NKAIN2: variants seen among roughly 807,000 people sequenced by gnomAD.
The protein encoded by NKAIN2 is sodium/potassium-transporting ATPase subunit beta-1-interacting protein 2.
Under a neutral mutation model 32.6 loss-of-function variants are expected in NKAIN2, and 14 were observed. The ratio of observed to expected loss-of-function variants is 0.43; its 90% CI spans 0.28 to 0.67. NKAIN2 has a LOEUF of 0.67. NKAIN2 is among the 30% of genes least tolerant of loss of function. The pLI is 0.17. For synonymous variants in NKAIN2, 80 were observed against 87.2 expected (o/e 0.92, Z 0.46); for missense variants, 198 against 258.3 (o/e 0.77, Z 1.60).
At chr6:123,919,296 T>C (rs1775637411) in intron 1 of NKAIN2, among the ~76,000 whole-genome samples, 1 of 152,084 alleles carries the variant, frequency 6.6e-6, no homozygotes, top group East Asian at 1.9e-4. Flanking sequence ...TACGTAAGAT[T>C]TGAGAAAAGT....
intron 3 of NKAIN2, among the ~76,000 whole-genome samples, chr6:124,378,214 A>G (rs1800075518): frequency 6.6e-6 from 1 of 152,132 alleles, no homozygotes; most frequent in African/African-American, 2.4e-5. Context: ...GAGTCTGGTG[A>G]CAGAACACTC....
chr6:124,610,399 G>A (rs1487125525), intron 3 of NKAIN2, among the ~76,000 whole-genome samples: 1 of 152,020 alleles, frequency 6.6e-6, no homozygotes, highest in Non-Finnish European at 1.5e-5. Flanking sequence ...ACTTGTATCT[G>A]GATTAAATAT....
At chr6:123,954,187 T>G (rs2114592860) in intron 1 of NKAIN2, among the ~76,000 whole-genome samples, 1 of 152,282 alleles carries the variant, frequency 6.6e-6, no homozygotes, top group Admixed American at 6.5e-5. Flanking sequence ...CTGGGCAGGA[T>G]GTAGTCTGGT....
chr6:124,152,486 C>T (rs2114400121), intron 1 of NKAIN2, among the ~76,000 whole-genome samples: 1 of 151,872 alleles, frequency 6.6e-6, no homozygotes, highest in South Asian at 2.1e-4. Context: ...GTTAGAATAA[C>T]TACTATCAAA....
intron 3 of NKAIN2, among the ~76,000 whole-genome samples, chr6:124,408,920 G>A (rs1774006751): frequency 6.6e-6 from 1 of 152,160 alleles, no homozygotes; most frequent in Non-Finnish European, 1.5e-5. Flanking sequence ...CACATCCCTT[G>A]TAAGTTGGAT....
At chr6:124,616,675 A>G (rs930433942) in intron 3 of NKAIN2, among the ~76,000 whole-genome samples, 4 of 151,476 alleles carry the variant, frequency 2.6e-5, no homozygotes, top group African/African-American at 9.7e-5. Context: ...CCTGTTAGCC[A>G]GGATGGTCTT....
chr6:124,557,358 C>T (rs1303520333), intron 3 of NKAIN2, among the ~76,000 whole-genome samples: 1 of 152,062 alleles, frequency 6.6e-6, no homozygotes, highest in Non-Finnish European at 1.5e-5. Context: ...AAAAAAAACT[C>T]TTTGAGTTAC....
At chr6:124,623,126 T>G (rs1343786240) in intron 3 of NKAIN2, among the ~76,000 whole-genome samples, 1 of 152,136 alleles carries the variant, frequency 6.6e-6, no homozygotes, top group African/African-American at 2.4e-5. Context: ...TTTTTCTAAG[T>G]AAAATCACAT....
At chr6:124,452,539 T>C (rs1338878261) in intron 3 of NKAIN2, among the ~76,000 whole-genome samples, 2 of 152,144 alleles carry the variant, frequency 1.3e-5, no homozygotes, top group Non-Finnish European at 2.9e-5. Context: ...ATATGTAACC[T>C]TTTTACTGAT....
intron 3 of NKAIN2, among the ~76,000 whole-genome samples, chr6:124,392,046 G>C (rs1773165866): frequency 6.6e-6 from 1 of 152,216 alleles, no homozygotes; most frequent in Middle Eastern, 3.4e-3. Context: ...TATACAGGCA[G>C]AACTCAAGGC....
chr6:124,347,182 T>C (rs1401777442), intron 2 of NKAIN2, among the ~76,000 whole-genome samples: 5 of 152,236 alleles, frequency 3.3e-5, no homozygotes, highest in African/African-American at 1.2e-4. Flanking sequence ...TTCTGGCTTG[T>C]AGAGTTTCTG....
chr6:124,452,202 A>C (rs1200143919), intron 3 of NKAIN2, among the ~76,000 whole-genome samples: 1 of 151,908 alleles, frequency 6.6e-6, no homozygotes, highest in African/African-American at 2.4e-5. Flanking sequence ...CTCGAAAAAA[A>C]AAAAAAAAAC....
At chr6:124,550,342 T>G (rs1780242568) in intron 3 of NKAIN2, among the ~76,000 whole-genome samples, 1 of 152,186 alleles carries the variant, frequency 6.6e-6, no homozygotes. Context: ...CCTTTTCATA[T>G]GCCTTCTTTT....
chr6:124,564,198 A>C (rs541366241), intron 3 of NKAIN2, among the ~76,000 whole-genome samples: 1 of 152,334 alleles, frequency 6.6e-6, no homozygotes, highest in East Asian at 1.9e-4. Flanking sequence ...CACGCCAATC[A>C]GCGCTCTGTG....
intron 1 of NKAIN2, among the ~76,000 whole-genome samples, chr6:123,861,631 C>T (rs761548105): frequency 1.4e-4 from 22 of 152,040 alleles, no homozygotes; most frequent in Non-Finnish European, 2.1e-4. Context: ...CTGTCATTTT[C>T]GGGAGAAAAT....
At chr6:124,169,415 G>T (rs1029294070) in intron 1 of NKAIN2, among the ~76,000 whole-genome samples, 4 of 152,108 alleles carry the variant, frequency 2.6e-5, no homozygotes, top group African/African-American at 9.7e-5. Context: ...ATGCCAAGCA[G>T]TGGGATTTGC....
At chr6:124,599,636 G>T (rs543947591) in intron 3 of NKAIN2, among the ~76,000 whole-genome samples, 1 of 152,258 alleles carries the variant, frequency 6.6e-6, no homozygotes, top group Non-Finnish European at 1.5e-5. Context: ...AATAAGAAAA[G>T]TTAGAGTAGT....
At chr6:123,819,665 G>C (rs1324541004) in intron 1 of NKAIN2, among the ~76,000 whole-genome samples, 1 of 152,172 alleles carries the variant, frequency 6.6e-6, no homozygotes, top group Non-Finnish European at 1.5e-5. Flanking sequence ...GCTGGTTCTG[G>C]ACATGCCCTT....
At chr6:124,384,010 T>G (rs1463802706) in intron 3 of NKAIN2, among the ~76,000 whole-genome samples, 2 of 152,218 alleles carry the variant, frequency 1.3e-5, no homozygotes, top group African/African-American at 4.8e-5. Flanking sequence ...AGTACCATTC[T>G]TAGCTATGGG....
Sources: allele counts gnomAD v4.1 joint callset (sites outside exome capture counted in the v4.1 genomes callset), GRCh38; gene constraint gnomAD v4.1.1; transcripts MANE v1.5; gene names NCBI Gene and HGNC (gene_info 2026-07-23, HGNC 2026-07-21).